Variants in HIPK2 observed in about 807,000 individuals in gnomAD.
HIPK2 encodes homeodomain-interacting protein kinase 2.
In HIPK2, 27 loss-of-function variants were observed where a neutral mutation model predicts 113.7. The observed-to-expected ratio is 0.24, with a 90% CI of 0.17 to 0.33. The LOEUF is 0.33. Ranked by LOEUF, HIPK2 falls within the 10% of genes least tolerant of loss-of-function variation. HIPK2 has a pLI of 1.00. For synonymous variants in HIPK2, 631 were observed against 642.2 expected (o/e 0.98, Z 0.26); for missense variants, 1,257 against 1,588.0 (o/e 0.79, Z 3.54).
chr7:139,581,375 G>C (rs544130122), intron 13 of HIPK2, among the ~76,000 whole-genome samples: 2 of 152,316 alleles, frequency 1.3e-5, no homozygotes, highest in South Asian at 4.1e-4. Flanking sequence ...CAGGTCCCCG[G>C]GGTTCTGGCT....
intron 2 of HIPK2, among the ~76,000 whole-genome samples, chr7:139,639,606 G>A (rs1800934774): frequency 1.3e-5 from 2 of 152,186 alleles, no homozygotes; most frequent in African/African-American, 4.8e-5. Flanking sequence ...AAAGCAGGAT[G>A]GGCTTCCCAG....
chr7:139,580,935 C>T (rs953970964), intron 13 of HIPK2, among the ~76,000 whole-genome samples: 7 of 152,144 alleles, frequency 4.6e-5, no homozygotes, highest in Non-Finnish European at 1.0e-4. Context: ...AAAAAGGTGT[C>T]TTGGCCGGGC....
intron 2 of HIPK2, among the ~76,000 whole-genome samples, chr7:139,647,640 G>C (rs1801287341): frequency 1.3e-5 from 2 of 152,032 alleles, no homozygotes; most frequent in African/African-American, 4.8e-5. Context: ...AGGAATAGTG[G>C]GTGAAAAGCA....
At chr7:139,606,613 G>A (rs1338367493) in intron 9 of HIPK2, among the ~76,000 whole-genome samples, 3 of 152,150 alleles carry the variant, frequency 2.0e-5, no homozygotes, top group Non-Finnish European at 2.9e-5. Context: ...GATCCTTGGT[G>A]TACATGCTTA....
chr7:139,640,624 G>A (rs973174018), intron 2 of HIPK2, among the ~76,000 whole-genome samples: 1 of 152,144 alleles, frequency 6.6e-6, no homozygotes, highest in African/African-American at 2.4e-5. Flanking sequence ...TGAAAGCAAT[G>A]AAATAAACAG....
At chr7:139,576,272 A>G (rs66893321) in intron 13 of HIPK2, among the ~76,000 whole-genome samples, 5,121 of 152,370 alleles carry the variant, frequency 0.034, 140 homozygotes, top group African/African-American at 0.076. Flanking sequence ...AAGAGTGGAA[A>G]AAACACTGCA....
intron 1 of HIPK2, among the ~76,000 whole-genome samples, chr7:139,770,691 T>C (rs1010701219): frequency 6.6e-6 from 1 of 152,250 alleles, no homozygotes; most frequent in African/African-American, 2.4e-5. Flanking sequence ...GGCTGCATTC[T>C]TTTTGTGACA....
chr7:139,747,548 A>G (rs539838943), intron 1 of HIPK2, among the ~76,000 whole-genome samples: 1 of 152,332 alleles, frequency 6.6e-6, no homozygotes, highest in Admixed American at 6.5e-5. Flanking sequence ...TTGGGATCAG[A>G]GAAGGAACGG....
chr7:139,677,043 T>C (rs1802526270), intron 2 of HIPK2, among the ~76,000 whole-genome samples: 1 of 151,896 alleles, frequency 6.6e-6, no homozygotes, highest in African/African-American at 2.4e-5. Flanking sequence ...GCATTTTTAG[T>C]GGAGATGGGG....
intron 1 of HIPK2, among the ~76,000 whole-genome samples, chr7:139,756,475 A>G (rs535572168): frequency 2.5e-4 from 38 of 152,256 alleles, no homozygotes; most frequent in African/African-American, 7.2e-4. Flanking sequence ...CCCAGGCTGG[A>G]GTGCAGTGGT....
intron 9 of HIPK2, among the ~76,000 whole-genome samples, chr7:139,605,766 A>G (rs1023953890): frequency 3.9e-5 from 6 of 152,214 alleles, no homozygotes; most frequent in Non-Finnish European, 8.8e-5. Context: ...TGAGTGCTTA[A>G]TATCTGTTGA....
Position 139,566,810 on chromosome 7 carries a change from T to C in HIPK2, c.*6117A>G, listed in dbSNP as rs17261671. 0.016 allele frequency: 2,421 copies of C among 152,294 alleles called. 29 individuals are homozygous for C. Among genetic ancestry groups the C allele is most frequent in the Non-Finnish European group, 0.023 (1,535 of 68,022 alleles). 9.4% of individuals were successfully genotyped at this position (152,294 alleles called of 1,614,324 possible). ...ATTTTAACAAATAAGGGACAGTCAG[T>C]GTCATGTTCAACACAGGGATCTGAG... On this transcript the variant is annotated 3_prime_UTR_variant, in exon 15 of 15. Coordinates refer to ENST00000406875, the MANE Select transcript of HIPK2 (RefSeq NM_022740.5). This position sits in a 1 kb window ranked among gnomAD's most constrained non-coding sequence, Gnocchi z 4.1.
rs1427266134 is a variant in HIPK2, at chr7:139,613,992, A to C, written c.1990+294T>G. Among the ~76,000 whole-genome samples, 2 of 152,238 alleles carry C rather than the reference A, an allele frequency of 1.3e-5. No homozygotes were observed. Among genetic ancestry groups the C allele is most frequent in the Non-Finnish European group, 2.9e-5 (2 of 68,036 alleles). On this transcript the variant is annotated intron_variant, in intron 8 of 14. Coordinates refer to ENST00000406875, the MANE Select transcript of HIPK2 (RefSeq NM_022740.5). This position sits in a 1 kb window ranked among gnomAD's most constrained non-coding sequence, Gnocchi z 4.2. The stretch of plus-strand genomic sequence containing the variant: ...AAAAGCAAGAGCTGACATCAGCATA[A>C]CAATGAAAGCACAAACTATGTACTT...
At chr7:139,619,759 G>T (rs1800172672) in intron 7 of HIPK2, among the ~76,000 whole-genome samples, 1 of 152,058 alleles carries the variant, frequency 6.6e-6, no homozygotes, top group Non-Finnish European at 1.5e-5. Context: ...ATGTTTCCAT[G>T]ATCTTTTTCT....
chr7:139,764,198 C>T (rs927921548), intron 1 of HIPK2, among the ~76,000 whole-genome samples: 4 of 152,196 alleles, frequency 2.6e-5, no homozygotes, highest in African/African-American at 7.2e-5. Context: ...GCTATACCAA[C>T]GTACAACATC....
At chr7:139,575,828 T>C (rs1359244620) in intron 13 of HIPK2, among the ~76,000 whole-genome samples, 1 of 152,212 alleles carries the variant, frequency 6.6e-6, no homozygotes, top group Middle Eastern at 3.2e-3. Flanking sequence ...ATTGGCTTTT[T>C]TGATGAAAAC....
intron 2 of HIPK2, among the ~76,000 whole-genome samples, chr7:139,706,403 T>C (rs1267648757): frequency 6.6e-6 from 1 of 152,162 alleles, no homozygotes; most frequent in Non-Finnish European, 1.5e-5. Context: ...AAACTGGGCA[T>C]GCGAGGGTTT....
chr7:139,776,171 GTT>G (rs1796739565), intron 1 of HIPK2, among the ~76,000 whole-genome samples: 1 of 152,136 alleles, frequency 6.6e-6, no homozygotes, highest in African/African-American at 2.4e-5. Flanking sequence ...CAGAAATTTC[GTT>G]TTGTTTTGTC....
intron 2 of HIPK2, among the ~76,000 whole-genome samples, chr7:139,663,207 G>C (rs1801926138): frequency 6.6e-6 from 1 of 152,180 alleles, no homozygotes; most frequent in Non-Finnish European, 1.5e-5. Context: ...TCTCCTCCCA[G>C]TTCTGGTCTC....
Sources: gnomAD v4.1 joint callset for allele counts (sites outside exome capture counted in the v4.1 genomes callset) on GRCh38, gnomAD v4.1.1 for gene constraint, Gnocchi (gnomAD v3.1) non-coding constraint, MANE v1.5 for transcripts, NCBI Gene and HGNC (gene_info 2026-07-23, HGNC 2026-07-21) for gene names.